COG5: variants seen among roughly 807,000 people sequenced by gnomAD.
The protein encoded by COG5 is conserved oligomeric Golgi complex subunit 5.
COG5 carries 86 observed loss-of-function variants against 110.4 expected under a neutral mutation model. The observed-to-expected ratio is 0.78, with a 90% CI of 0.65 to 0.93. The LOEUF is 0.93. Among genes scored for constraint, COG5 ranks in the 40% least tolerant of loss-of-function variants. The pLI is 0.00. For missense variants in COG5, 1,077 were observed against 987.0 expected, an observed-to-expected ratio of 1.09 and a Z score of -1.22; for synonymous variants, 360 against 334.6, an observed-to-expected ratio of 1.08 and a Z score of -0.83.
chr7:107,229,486 A>T (rs1482319074), intron 19 of COG5, among the ~76,000 whole-genome samples: 1 of 152,192 alleles, frequency 6.6e-6, no homozygotes, highest in Non-Finnish European at 1.5e-5. Context: ...GCTATGATGT[A>T]AACAACTTAT....
chr7:107,257,058 G>A (rs892006871), intron 15 of COG5, among the ~76,000 whole-genome samples: 10 of 151,902 alleles, frequency 6.6e-5, no homozygotes, highest in African/African-American at 2.2e-4. Context: ...TGTTACATAG[G>A]TTTTAATTAT....
chr7:107,512,149 ACT>A (rs1329361309), intron 6 of COG5, among the ~76,000 whole-genome samples: 1 of 152,188 alleles, frequency 6.6e-6, no homozygotes, highest in African/African-American at 2.4e-5. Context: ...AGAAAACCCC[ACT>A]GTCTCAGCCC....
At chr7:107,409,668 A>G (rs1401365601) in intron 7 of COG5, among the ~76,000 whole-genome samples, 2 of 152,226 alleles carry the variant, frequency 1.3e-5, no homozygotes, top group African/African-American at 2.4e-5. Context: ...GAAGATTCAG[A>G]TAAGCCAAAA....
rs1798898544 is a variant in COG5, at chr7:107,207,994, C to T, written c.2375+2532G>A. 3.0e-6 allele frequency: 3 copies of T among 985,292 alleles called. No homozygotes were observed. The South Asian group carries it at 1.4e-4, about 46-fold the overall frequency. The allele number at this position is 985,292 out of a possible 1,614,324, so 61.0% of individuals were successfully genotyped here. On this transcript the variant is annotated intron_variant, in intron 21 of 21. Coordinates refer to ENST00000297135, the MANE Select transcript of COG5 (RefSeq NM_006348.5). ...CCAGAAGCTAAAACAAATTTACTGA[C>T]ATTTAAAGAGCAATACTCACCCTCG...
intron 15 of COG5, among the ~76,000 whole-genome samples, chr7:107,257,033 G>A (rs1040937716): frequency 6.6e-6 from 1 of 152,122 alleles, no homozygotes; most frequent in African/African-American, 2.4e-5. Flanking sequence ...CTAAGAGCTA[G>A]GTTTCCTTTA....
intron 16 of COG5, among the ~76,000 whole-genome samples, chr7:107,251,934 T>C (rs983020468): frequency 6.6e-6 from 1 of 151,970 alleles, no homozygotes. Flanking sequence ...GCTGTTTCAC[T>C]GAAAAAATTA....
intron 6 of COG5, among the ~76,000 whole-genome samples, chr7:107,467,599 G>A (rs781426856): frequency 2.6e-5 from 4 of 152,028 alleles, no homozygotes; most frequent in African/African-American, 7.2e-5. Context: ...TGATCCACCC[G>A]CCTCAGCCTC....
At chr7:107,440,571 C>G (rs1198902808) in intron 6 of COG5, among the ~76,000 whole-genome samples, 2 of 152,124 alleles carry the variant, frequency 1.3e-5, no homozygotes, top group Non-Finnish European at 2.9e-5. Context: ...AGGATGAAGG[C>G]TGGTCACCAG....
rs201138310 is a variant in COG5, at chr7:107,416,024, A to G, written c.539-3392T>C. On this transcript the variant is annotated intron_variant, in intron 6 of 21. Coordinates refer to ENST00000297135, the MANE Select transcript of COG5 (RefSeq NM_006348.5). Reference sequence around the variant, plus strand: ...TATACACACACATACACGTATGTATATATGTGTGTATATATAAATAGCAAC... The same window carrying G: ...TATACACACACATACACGTATGTATGTATGTGTGTATATATAAATAGCAAC... 3.4e-4 allele frequency among the ~76,000 whole-genome samples: 51 copies of G among 148,996 alleles called. 1 individual carries two copies. The highest frequency in any genetic ancestry group is 6.2e-4 in the East Asian group (3 of 4,838).
intron 15 of COG5, 49 bp from the exon 16 acceptor site, chr7:107,256,843 G>A (rs1162274286): frequency 3.8e-6 from 5 of 1,305,478 alleles, no homozygotes; most frequent in African/African-American, 1.4e-5. Context: ...GTCTATTTCT[G>A]TAAATACTAA....
chr7:107,417,946 T>C (rs1240662135), intron 6 of COG5, among the ~76,000 whole-genome samples: 1 of 152,216 alleles, frequency 6.6e-6, no homozygotes, highest in East Asian at 1.9e-4. Context: ...GTCTATTGAT[T>C]TTTAAGTTAT....
rs141964909 is a variant in COG5 at position 107,443,759 on chromosome 7, C to A, written c.539-31127G>T. ...TAGAATTTTTCCTCATGTTTCTGTG[C>A]CATGAAGGACTTATGCCAACTGGCA... On this transcript the variant is annotated intron_variant, in intron 6 of 21. Coordinates refer to ENST00000297135, the MANE Select transcript of COG5 (RefSeq NM_006348.5). Among the ~76,000 whole-genome samples the A allele has an allele frequency of 2.3e-4, 35 of 152,274 alleles. No individual in the cohort carries two copies. The East Asian group carries it at 5.6e-3, about 24-fold the overall frequency.
chr7:107,269,183 T>C (rs1439518218), intron 14 of COG5, among the ~76,000 whole-genome samples: 2 of 152,058 alleles, frequency 1.3e-5, no homozygotes, highest in East Asian at 1.9e-4. Context: ...GTTAATATTA[T>C]ATTCAATTTA....
At chr7:107,235,893 CTA>C (rs1801148901) in intron 18 of COG5, among the ~76,000 whole-genome samples, 1 of 152,006 alleles carries the variant, frequency 6.6e-6, no homozygotes, top group East Asian at 1.9e-4. Flanking sequence ...TAATGTCATT[CTA>C]TCTCTCACAC....
At chr7:107,448,995 G>T (rs1353627010) in intron 6 of COG5, among the ~76,000 whole-genome samples, 1 of 151,974 alleles carries the variant, frequency 6.6e-6, no homozygotes, top group Admixed American at 6.6e-5. Context: ...GACCATACAT[G>T]GCACCATTCA....
intron 6 of COG5, among the ~76,000 whole-genome samples, chr7:107,464,005 G>C: frequency 6.6e-6 from 1 of 151,990 alleles, no homozygotes. Context: ...CTATTCAACA[G>C]AGCTAAAAAA....
Position 107,474,750 on chromosome 7 carries a change from A to T in COG5, c.538+52487T>A. The T allele has an allele frequency of 1.2e-6, 2 of 1,610,308 alleles. No individual in the cohort carries two copies. Among genetic ancestry groups the T allele is most frequent in the Non-Finnish European group, 1.7e-6 (2 of 1,178,018 alleles). Reference sequence around the variant, plus strand: ...TCACTGTTGTAGTAATGTTAATCACATACACCAAAATACTTCAGGCTCTTA... The same window carrying T: ...TCACTGTTGTAGTAATGTTAATCACTTACACCAAAATACTTCAGGCTCTTA... On this transcript the variant is annotated intron_variant, in intron 6 of 21. Coordinates refer to ENST00000297135, the MANE Select transcript of COG5 (RefSeq NM_006348.5). This position sits in a 1 kb window ranked among gnomAD's most constrained non-coding sequence, Gnocchi z 5.7.
intron 11 of COG5, among the ~76,000 whole-genome samples, chr7:107,312,780 G>A (rs558519230): frequency 6.6e-6 from 1 of 152,008 alleles, no homozygotes; most frequent in African/African-American, 2.4e-5. Context: ...TTCACTTCTT[G>A]TAACAATTAA....
chr7:107,222,588 A>T (rs1483518259), intron 19 of COG5, among the ~76,000 whole-genome samples: 1 of 152,208 alleles, frequency 6.6e-6, no homozygotes, highest in African/African-American at 2.4e-5. Context: ...CACTGTCATA[A>T]TTACCTGTAA....
Sources: gnomAD v4.1 joint callset for allele counts (sites outside exome capture counted in the v4.1 genomes callset) on GRCh38, gnomAD v4.1.1 for gene constraint, Gnocchi (gnomAD v3.1) non-coding constraint, MANE v1.5 for transcripts, NCBI Gene and HGNC (gene_info 2026-07-23, HGNC 2026-07-21) for gene names.